The following ADGRE5 variants were observed in gnomAD, a reference collection of about 807,000 sequenced individuals.
ADGRE5 encodes the protein CD97 molecule.
A neutral mutation model predicts 100.3 loss-of-function variants in ADGRE5; 72 were observed. The observed-to-expected ratio is 0.72, with a 90% confidence interval of 0.59 to 0.87. The LOEUF (loss-of-function observed/expected upper bound fraction) is 0.87, where lower values mean the gene tolerates loss of function less well. ADGRE5 is among the 40% of genes least tolerant of loss of function. ADGRE5 has a pLI of 0.00. For missense variants in ADGRE5, 959 were observed against 1,094.7 expected, an observed-to-expected ratio of 0.88 and a Z score of 1.75; for synonymous variants, 439 against 447.8, an observed-to-expected ratio of 0.98 and a Z score of 0.25.
At chr19:14,399,383 C>T (rs752480325) in intron 9 of ADGRE5, among the ~76,000 whole-genome samples, 99 of 149,820 alleles carry the variant, frequency 6.6e-4, no homozygotes, top group Admixed American at 2.3e-3. Flanking sequence ...GCCAACATGG[C>T]GAAACCCCAT....
chr19:14,384,638 CCT>C (rs1402113063), intron 1 of ADGRE5, among the ~76,000 whole-genome samples: 1 of 150,486 alleles, frequency 6.6e-6, no homozygotes, highest in Non-Finnish European at 1.5e-5. Flanking sequence ...CTGCCCTTCC[CCT>C]CTGTTTCCAT....
chr19:14,401,277 T>G lies in ADGRE5; in HGVS notation c.898-109T>G, dbSNP rs1975997453. ...TACTGCATCATCTCAGTGATTCCCTTGTGCCTGTGGGTCTCCAGTGTGTCC... is the reference window on the plus strand; with the variant it reads ...TACTGCATCATCTCAGTGATTCCCTGGTGCCTGTGGGTCTCCAGTGTGTCC... On this transcript the variant is annotated intron_variant, in intron 9 of 19. Coordinates refer to ENST00000242786, the MANE Select transcript of ADGRE5 (RefSeq NM_078481.4). The surrounding 1 kb of genome is among the most constrained non-coding windows in gnomAD (Gnocchi z 4.1). 4.7e-6 allele frequency: 4 copies of G among 857,554 alleles called. No individual in the cohort carries two copies. In the Admixed American group the frequency reaches 1.1e-4, roughly 23 times the overall value. The allele number at this position is 857,554 out of a possible 1,614,324, so 53.1% of individuals were successfully genotyped here. A position where few individuals can be genotyped will look rare whatever the true frequency, so the allele number is the denominator to read the frequency against.
Position 14,405,892 on chromosome 19 carries a change from G to A in ADGRE5, c.1774G>A (p.Val592Met). 1.9e-6 allele frequency: 3 copies of A among 1,611,598 alleles called. No individual in the cohort carries two copies. Among genetic ancestry groups the A allele is most frequent in the Non-Finnish European group, 2.5e-6 (3 of 1,179,960 alleles). Residue 592 changes from valine to methionine, a missense_variant, in exon 14 of 20, where the codon GTG becomes ATG. Val to Met is a conservative substitution (Grantham distance 21). This residue lies in a region of ADGRE5 where 428 missense variants were observed against 386.2 expected (regional missense o/e 1.11). Transcript: ENST00000242786. ...CCTGCACCTCTGCATCTGCCTCTTC[G>A]TGGGCTCCACCATCTTCCTGGCCGG... ...IHLHLCICLF[V>M]GSTIFLAGIE...
At position 14,396,339 on chromosome 19, in the gene ADGRE5, C is replaced by T; in HGVS notation, c.347-3C>T. On this transcript the variant is annotated splice_region_variant and splice_polypyrimidine_tract_variant and intron_variant, in intron 4 of 19. Transcript: ENST00000242786. The stretch of plus-strand genomic sequence containing the variant: ...ATCCTTCACCCTCTCCTTCCTCTTG[C>T]AGATGTGGACGAATGTCAGCAGAAC... 6.2e-7 allele frequency: 1 copy of T among 1,614,276 alleles called. No individual in the cohort carries two copies. The highest frequency in any genetic ancestry group is 8.5e-7 in the Non-Finnish European group (1 of 1,180,052).
intron 1 of ADGRE5, among the ~76,000 whole-genome samples, chr19:14,383,832 G>A (rs941867551): frequency 6.6e-6 from 1 of 151,846 alleles, no homozygotes; most frequent in Non-Finnish European, 1.5e-5. Context: ...AGGGGATGGG[G>A]CACAAAGGAA....
At chr19:14,385,008 CTCTT>C (rs2146343764) in intron 1 of ADGRE5, among the ~76,000 whole-genome samples, 1 of 99,702 alleles carries the variant, frequency 1.0e-5, no homozygotes, top group East Asian at 3.3e-4. Context: ...GAGACTCTTG[CTCTT>C]TTTTTTTTTT....
intron 1 of ADGRE5, among the ~76,000 whole-genome samples, chr19:14,385,645 C>A (rs1259151068): frequency 6.6e-6 from 1 of 152,128 alleles, no homozygotes; most frequent in Non-Finnish European, 1.5e-5. Flanking sequence ...GAAATATCAC[C>A]ACTGGGTTCC....
intron 3 of ADGRE5, among the ~76,000 whole-genome samples, chr19:14,389,845 G>T (rs1488289887): frequency 6.6e-6 from 1 of 152,012 alleles, no homozygotes; most frequent in African/African-American, 2.4e-5. Context: ...AAGGCGGGCG[G>T]ATCACCTGAG....
At position 14,404,401 on chromosome 19, in the gene ADGRE5, C is replaced by G; in HGVS notation, c.1468C>G (p.Arg490Gly). The change falls in exon 13 of 20, where the codon CGG becomes GGG. Residue 490 changes from arginine (R) to glycine (G), a missense_variant. Physicochemically the swap from Arg to Gly is moderately radical, Grantham distance 125 (BLOSUM62 -2). Around this residue, in one of 6 missense-constraint regions of ADGRE5, gnomAD observed 246 missense variants for 242.2 expected, o/e 1.02. Coordinates refer to ENST00000242786, the MANE Select transcript of ADGRE5 (RefSeq NM_078481.4). ...CCCACAGGACGTGATGCCTGGGCCA[C>G]GGCAGGAGCTGCTCTGTGCCTTCTG... ...PPAKDVMPGP[R>G]QELLCAFWKS... is the part of the protein sequence containing the mutation. The G allele has an allele frequency of 6.2e-7, 1 of 1,610,054 alleles. No individual in the cohort carries two copies. The highest frequency in any genetic ancestry group is 8.5e-7 in the Non-Finnish European group (1 of 1,179,090).
chr19:14,406,525 C>T lies in ADGRE5; in HGVS notation c.2016C>T (p.Ala672=). 1 of 1,573,972 alleles carries T rather than the reference C, an allele frequency of 6.4e-7. No individual in the cohort carries two copies. Among genetic ancestry groups the T allele is most frequent in the Non-Finnish European group, 8.6e-7 (1 of 1,160,028 alleles). Residue 672 remains alanine (A), a synonymous_variant, in exon 15 of 20, where the codon GCC becomes GCT. Coordinates refer to ENST00000242786, the MANE Select transcript of ADGRE5 (RefSeq NM_078481.4). The surrounding 1 kb of genome is among the most constrained non-coding windows in gnomAD (Gnocchi z 6.0). Reference sequence around the variant, plus strand: ...TGCTCATCGTGGGCGTCTCGGCTGCCATCTACAGCAAGGGCTACGGCCGCC... The same window carrying T: ...TGCTCATCGTGGGCGTCTCGGCTGCTATCTACAGCAAGGGCTACGGCCGCC... ...VPLLIVGVSA[A]IYSKGYGRPR...
chr19:14,391,337 G>A (rs1975595106), intron 4 of ADGRE5: 2 of 534,096 alleles, frequency 3.7e-6, no homozygotes, highest in Admixed American at 6.4e-5. Context: ...TACTTATTCA[G>A]AAACCGCTGT....
rs752065582 is a variant in ADGRE5 at position 14,388,742 on chromosome 19, T to C, written c.114T>C (p.Asn38=). ...RWCPQNSSCV[N]ATACRCNPGF... is the part of the protein sequence containing the mutation. Reference sequence around the variant, plus strand: ...GCCCTCAGAACTCCTCGTGTGTCAATGCCACCGCCTGTCGCTGCAATCCAG... The same window carrying C: ...GCCCTCAGAACTCCTCGTGTGTCAACGCCACCGCCTGTCGCTGCAATCCAG... The change falls in exon 3 of 20, where the codon AAT becomes AAC. Residue 38 remains asparagine (N), a synonymous_variant. Transcript: ENST00000242786. 3.7e-6 allele frequency: 6 copies of C among 1,613,806 alleles called. No homozygotes were observed. The highest frequency in any genetic ancestry group is 3.4e-6 in the Non-Finnish European group (4 of 1,180,026).
In ADGRE5 at chr19:14,386,871, C is replaced by G. The variant is rs1975376456; in HGVS notation, c.23-1579C>G. 2.0e-5 allele frequency among the ~76,000 whole-genome samples: 3 copies of G among 149,764 alleles called. No individual in the cohort carries two copies. The South Asian group carries it at 6.3e-4, about 32-fold the overall frequency. ...TCTACAAAAATACAAAAAAATCAGC[C>G]GGGCTTGGTGGCGGGTGCCTGTAAT... On this transcript the variant is annotated intron_variant, in intron 1 of 19. Coordinates refer to ENST00000242786, the MANE Select transcript of ADGRE5 (RefSeq NM_078481.4).
chr19:14,388,914 T>C lies in ADGRE5; in HGVS notation c.190+96T>C, dbSNP rs1253205720. On this transcript the variant is annotated intron_variant, in intron 3 of 19. Coordinates refer to ENST00000242786, the MANE Select transcript of ADGRE5 (RefSeq NM_078481.4). ...AGGTTGTTGTGAGGGGCCACAGCCT[T>C]ACCTTCCAGACTATCATCATGGCCA... The C allele has an allele frequency of 8.8e-6, 10 of 1,133,844 alleles. No homozygotes were observed. The East Asian group carries it at 9.4e-5, about 11-fold the overall frequency. The allele number at this position is 1,133,844 out of a possible 1,614,324, so 70.2% of individuals were successfully genotyped here. A position where few individuals can be genotyped will look rare whatever the true frequency, so the allele number is the denominator to read the frequency against.
At position 14,406,057 on chromosome 19, in the gene ADGRE5, C is replaced by A. The variant is rs373884053; in HGVS notation, c.1821+118C>A. On this transcript the variant is annotated intron_variant, in intron 14 of 19. Coordinates refer to ENST00000242786, the MANE Select transcript of ADGRE5 (RefSeq NM_078481.4). The surrounding 1 kb of genome is among the most constrained non-coding windows in gnomAD (Gnocchi z 6.0). ...CGGGCCCTGGAGGCATGAGGCCCCGCCCCTGTCCGGGATCTGGCCCCGCCC... is the reference window on the plus strand; with the variant it reads ...CGGGCCCTGGAGGCATGAGGCCCCGACCCTGTCCGGGATCTGGCCCCGCCC... 160 of 910,920 alleles carry A rather than the reference C, an allele frequency of 1.8e-4. No individual in the cohort carries two copies. The East Asian group carries it at 3.7e-3, about 21-fold the overall frequency. The allele number at this position is 910,920 out of a possible 1,614,324, so 56.4% of individuals were successfully genotyped here.
At chr19:14,381,965 G>C (rs1406584301) in intron 1 of ADGRE5, among the ~76,000 whole-genome samples, 2 of 152,122 alleles carry the variant, frequency 1.3e-5, no homozygotes, top group African/African-American at 4.8e-5. Context: ...CCACTGCAAG[G>C]TACCCCCAAT....
chr19:14,401,547 T>A lies in ADGRE5; in HGVS notation c.1059T>A (p.Ile353=). The change falls in exon 10 of 20, where the codon ATT becomes ATA. Residue 353 remains isoleucine, a synonymous_variant. Coordinates refer to ENST00000242786, the MANE Select transcript of ADGRE5 (RefSeq NM_078481.4). This position sits in a 1 kb window ranked among gnomAD's most constrained non-coding sequence, Gnocchi z 4.1. The part of the protein sequence containing the change: ...KSLPKGPFTY[I]SPSNTELTLM... ...TGCCTAAAGGCCCCTTCACCTACAT[T>A]TCCCCTTCGAACACAGGTGAGGCCT... 1.2e-6 allele frequency: 2 copies of A among 1,614,072 alleles called. No homozygotes were observed. Among genetic ancestry groups the A allele is most frequent in the Non-Finnish European group, 1.7e-6 (2 of 1,179,964 alleles).
intron 9 of ADGRE5, among the ~76,000 whole-genome samples, chr19:14,398,649 T>C (rs1599625865): frequency 8.2e-6 from 1 of 121,854 alleles, no homozygotes; most frequent in Non-Finnish European, 1.6e-5. Flanking sequence ...CACTGCAGCC[T>C]GGGCGACAGA....
chr19:14,406,390 C>A lies in ADGRE5; in HGVS notation c.1881C>A (p.Phe627Leu). 3 of 1,592,612 alleles carry A rather than the reference C, an allele frequency of 1.9e-6. No individual in the cohort carries two copies. Among genetic ancestry groups the A allele is most frequent in the Admixed American group, 3.5e-5 (2 of 56,796 alleles). ...TGCACTACTGTTTCCTGGCCGCCTT[C>A]TGCTGGATGAGCCTCGAAGGCCTGG... ...GLLHYCFLAA[F>L]CWMSLEGLEL... Residue 627 changes from phenylalanine to leucine, a missense_variant, in exon 15 of 20, where the codon TTC (phenylalanine) becomes TTA (leucine). Phe to Leu is a conservative substitution (Grantham distance 22, BLOSUM62 0). Transcript: ENST00000242786. This position sits in a 1 kb window ranked among gnomAD's most constrained non-coding sequence, Gnocchi z 6.0.
Sources: gnomAD v4.1 joint callset for allele counts (sites outside exome capture counted in the v4.1 genomes callset) on GRCh38, gnomAD v4.1.1 for gene constraint, gnomAD v4.1.1 regional missense constraint, Gnocchi (gnomAD v3.1) non-coding constraint, MANE v1.5 for transcripts, NCBI Gene and HGNC (gene_info 2026-07-23, HGNC 2026-07-21) for gene names.